MMP28: variants seen among roughly 807,000 people sequenced by gnomAD.
The protein encoded by MMP28 is matrix metalloproteinase-28.
MMP28 carries 55 observed loss-of-function variants against 60.5 expected under a neutral mutation model. The ratio of observed to expected loss-of-function variants is 0.91; its 90% CI spans 0.73 to 1.14. The LOEUF (loss-of-function observed/expected upper bound fraction) is 1.14. Ranked by LOEUF, MMP28 falls within the 50% of genes most tolerant of loss-of-function variation. The pLI is 0.00. For synonymous variants in MMP28, 318 were observed against 312.5 expected, an observed-to-expected ratio of 1.02 and a Z score of -0.18; for missense variants, 686 against 738.3, an observed-to-expected ratio of 0.93 and a Z score of 0.82.
intron 2 of MMP28, among the ~76,000 whole-genome samples, chr17:35,759,463 A>G (rs1446247921): frequency 1.3e-5 from 2 of 152,140 alleles, no homozygotes; most frequent in African/African-American, 4.8e-5. Flanking sequence ...GCACTTTGGG[A>G]GGCCGAGACG....
At position 35,770,714 on chromosome 17, in the gene MMP28, ATGTG is replaced by A. The variant is rs56074641; in HGVS notation, c.605-406_605-403del. On this transcript the variant is annotated intron_variant, in intron 4 of 7. Coordinates refer to ENST00000605424, the MANE Select transcript of MMP28 (RefSeq NM_024302.5). The stretch of plus-strand genomic sequence containing the variant: ...CTCACAGAGTTGTTCTGAATAATAA[ATGTG>A]TGTGTGTGTGTGTGTGTGTGTGTGT... Among the ~76,000 whole-genome samples the A allele has an allele frequency of 5.2e-3, 765 of 147,612 alleles. 2 individuals carry two copies. Among genetic ancestry groups the A allele is most frequent in the African/African-American group, 7.2e-3 (288 of 40,136 alleles).
rs966593744 is a variant in MMP28 at position 35,767,752 on chromosome 17, C to T, written c.1168G>A (p.Gly390Arg). 1 of 1,555,674 alleles carries T rather than the reference C, an allele frequency of 6.4e-7. No homozygotes were observed. Among genetic ancestry groups the T allele is most frequent in the Non-Finnish European group, 8.7e-7 (1 of 1,149,580 alleles). ...TTCCCCGCTGCCCCAGAGCCAGTACCTTTGAAGAAGTAGAAATCTCCATCA... is the reference window on the plus strand; with the variant it reads ...TTCCCCGCTGCCCCAGAGCCAGTACTTTTGAAGAAGTAGAAATCTCCATCA... ...LNDGDFYFFK[G>R]GRCWRFRGPK... is the part of the protein sequence containing the mutation. The change falls in exon 7 of 8, where the codon GGG (glycine) becomes AGG (arginine). Residue 390 changes from glycine (G) to arginine (R), a missense_variant and splice_region_variant. Coordinates refer to ENST00000605424, the MANE Select transcript of MMP28 (RefSeq NM_024302.5).
intron 1 of MMP28, among the ~76,000 whole-genome samples, chr17:35,791,189 A>G (rs1218734006): frequency 6.6e-6 from 1 of 151,832 alleles, no homozygotes; most frequent in Non-Finnish European, 1.5e-5. Context: ...ATGTAAAAGA[A>G]GTAGTTATGA....
At chr17:35,773,524 A>C (rs1555606730) in intron 3 of MMP28, 120 bp from the exon 4 acceptor site, 2 of 909,224 alleles carry the variant, frequency 2.2e-6, no homozygotes, top group African/African-American at 1.7e-5. Flanking sequence ...CTGACGGGGA[A>C]GACACAGTTT....
At chr17:35,791,431 A>G (rs1425275597) in intron 1 of MMP28, among the ~76,000 whole-genome samples, 1 of 152,050 alleles carries the variant, frequency 6.6e-6, no homozygotes, top group African/African-American at 2.4e-5. Flanking sequence ...CCAGGTACTC[A>G]GGAGGCTGAA....
At chr17:35,784,349 T>C (rs549302694) in intron 1 of MMP28, among the ~76,000 whole-genome samples, 26 of 151,330 alleles carry the variant, frequency 1.7e-4, no homozygotes, top group African/African-American at 6.4e-4. Context: ...CCCTTATACT[T>C]TTATGCTTAA....
At chr17:35,771,947 C>A (rs2086170351) in intron 4 of MMP28, among the ~76,000 whole-genome samples, 1 of 151,278 alleles carries the variant, frequency 6.6e-6, no homozygotes, top group Non-Finnish European at 1.5e-5. Flanking sequence ...CGGCAGGTGA[C>A]CCTGACACAG....
At chr17:35,775,526 G>T (rs777939999) in intron 3 of MMP28, among the ~76,000 whole-genome samples, 1 of 152,212 alleles carries the variant, frequency 6.6e-6, no homozygotes, top group East Asian at 1.9e-4. Context: ...CTGGAGTTCC[G>T]ACTCCCAGCA....
chr17:35,757,772 T>C (rs2085755931), intron 2 of MMP28, among the ~76,000 whole-genome samples: 1 of 152,168 alleles, frequency 6.6e-6, no homozygotes, highest in South Asian at 2.1e-4. Flanking sequence ...TTCTTTGTTG[T>C]TCTTAATAAA....
chr17:35,783,138 A>T (rs1180056649), intron 1 of MMP28, among the ~76,000 whole-genome samples: 2 of 152,312 alleles, frequency 1.3e-5, no homozygotes, highest in East Asian at 3.9e-4. Flanking sequence ...CTGGGGACAA[A>T]TTATTTAATC....
chr17:35,760,051 G>T (rs2085789556), intron 2 of MMP28, among the ~76,000 whole-genome samples: 2 of 152,128 alleles, frequency 1.3e-5, no homozygotes, highest in Non-Finnish European at 2.9e-5. Flanking sequence ...CTGTTCTCCA[G>T]CCCATCAACT....
At chr17:35,764,118 C>T (rs1555602128), downstream of MMP28, 5 of 1,549,868 alleles carry the variant, frequency 3.2e-6, no homozygotes, top group Admixed American at 5.9e-5. Flanking sequence ...AACCAGAGGC[C>T]GCTGGAGGAC....
chr17:35,783,321 G>A (rs1211119439), intron 1 of MMP28, among the ~76,000 whole-genome samples: 2 of 152,174 alleles, frequency 1.3e-5, no homozygotes, highest in African/African-American at 2.4e-5. Context: ...TAGAGGGAAC[G>A]TTAACAACAG....
chr17:35,766,584 C>A lies in MMP28; in HGVS notation c.1479G>T (p.Leu493=). ...CCCAGCGGCCCGAGGTGGTTGCCTGCAGTTTGGCCTGGTCGAGGCGCCAGT... is the reference window on the plus strand; with the variant it reads ...CCCAGCGGCCCGAGGTGGTTGCCTGAAGTTTGGCCTGGTCGAGGCGCCAGT... ...DRYWRLDQAK[L]QATTSGRWAT... Residue 493 remains leucine (L), a synonymous_variant, in exon 8 of 8, where the codon CTG becomes CTT. Transcript: ENST00000605424. This position sits in a 1 kb window ranked among gnomAD's most constrained non-coding sequence, Gnocchi z 4.3. 1 of 1,612,364 alleles carries A rather than the reference C, an allele frequency of 6.2e-7. No individual in the cohort carries two copies. The highest frequency in any genetic ancestry group is 8.5e-7 in the Non-Finnish European group (1 of 1,179,708).
At position 35,766,031 on chromosome 17, in the gene MMP28, C is replaced by CT; in HGVS notation, c.*468dup. 1.0e-6 allele frequency: 1 copy of CT among 985,438 alleles called. No homozygotes were observed. The highest frequency in any genetic ancestry group is 1.2e-6 in the Non-Finnish European group (1 of 829,938). The allele number at this position is 985,438 out of a possible 1,614,324, so 61.0% of individuals were successfully genotyped here. The stretch of plus-strand genomic sequence containing the variant: ...GTGCCTTCATCCCCATCCATGCTTC[C>CT]TGGGGGTGGGGCCTCTGACTAAATA... On this transcript the variant is annotated 3_prime_UTR_variant, in exon 8 of 8. Coordinates refer to ENST00000605424, the MANE Select transcript of MMP28 (RefSeq NM_024302.5). This position sits in a 1 kb window ranked among gnomAD's most constrained non-coding sequence, Gnocchi z 4.3.
intron 5 of MMP28, among the ~76,000 whole-genome samples, chr17:35,768,939 C>A (rs2086033749): frequency 6.6e-6 from 1 of 152,198 alleles, no homozygotes; most frequent in Non-Finnish European, 1.5e-5. Context: ...GGGTATCAAG[C>A]AAGGGAACTA....
rs2086649889 is a variant in MMP28, at chr17:35,786,417, A to C, written c.112-7094T>G. Among the ~76,000 whole-genome samples the C allele has an allele frequency of 3.9e-5, 6 of 152,194 alleles. No individual in the cohort carries two copies. The South Asian group carries it at 1.2e-3, about 32-fold the overall frequency. Reference sequence around the variant, plus strand: ...GAATTTCAGCAGCAGAAATGAAATTAAGAATTTAAAAATTGCCAAATGCAT... The same window carrying C: ...GAATTTCAGCAGCAGAAATGAAATTCAGAATTTAAAAATTGCCAAATGCAT... On this transcript the variant is annotated intron_variant, in intron 1 of 7. Coordinates refer to ENST00000605424, the MANE Select transcript of MMP28 (RefSeq NM_024302.5).
At chr17:35,763,865 C>G (rs2085873921), downstream of MMP28, 2 of 673,196 alleles carry the variant, frequency 3.0e-6, no homozygotes, top group Non-Finnish European at 2.0e-6. Context: ...CCACTGCACT[C>G]TAGCCTGAGC....
In MMP28 at chr17:35,770,145, T is replaced by A; in HGVS notation, c.772A>T (p.Met258Leu). 6.2e-7 allele frequency: 1 copy of A among 1,607,474 alleles called. No individual in the cohort carries two copies. The highest frequency in any genetic ancestry group is 1.1e-5 in the South Asian group (1 of 90,318). ...CCCAGCCTCTTGTAGTAGGGCGCCA[T>A]GAGCGCGCGCGGCGCGGGCGAGTGG... ...LTHSPAPRAL[M>L]APYYKRLGRD... The change falls in exon 5 of 8, where the codon ATG (methionine) becomes TTG (leucine). Residue 258 changes from methionine (M) to leucine (L), a missense_variant. Met to Leu is a conservative substitution (Grantham distance 15, BLOSUM62 2). Transcript: ENST00000605424.
Sources: allele counts gnomAD v4.1 joint callset (sites outside exome capture counted in the v4.1 genomes callset), GRCh38; gene constraint gnomAD v4.1.1; non-coding constraint Gnocchi (gnomAD v3.1); transcripts MANE v1.5; gene names NCBI Gene and HGNC (gene_info 2026-07-23, HGNC 2026-07-21).